MBP: variants seen among roughly 807,000 people sequenced by gnomAD.
MBP encodes the protein myelin basic protein.
MBP carries 16 observed loss-of-function variants against 35.8 expected under a neutral mutation model. That is an observed-to-expected ratio of 0.45 (90% CI 0.30 to 0.68). MBP has a LOEUF of 0.68. Among genes scored for constraint, MBP ranks in the 30% least tolerant of loss-of-function variants. The pLI, the probability that MBP is intolerant of heterozygous loss-of-function variation, is 0.08. For synonymous variants in MBP, 143 were observed against 159.6 expected, an observed-to-expected ratio of 0.90 and a Z score of 0.78; for missense variants, 380 against 404.7, an observed-to-expected ratio of 0.94 and a Z score of 0.52.
intron 2 of MBP, among the ~76,000 whole-genome samples, chr18:77,078,612 C>T (rs1599198867): frequency 6.6e-6 from 1 of 152,208 alleles, no homozygotes; most frequent in Non-Finnish European, 1.5e-5. Context: ...ATGGCTGGAG[C>T]CTGGAGAACT....
rs554663132 is a variant in MBP at position 77,082,121 on chromosome 18, G to A, written c.52-15736C>T. Among the ~76,000 whole-genome samples, 31 of 152,074 alleles carry A rather than the reference G, an allele frequency of 2.0e-4. 1 individual carries two copies. The South Asian group carries it at 6.3e-3, about 31-fold the overall frequency. On this transcript the variant is annotated intron_variant, in intron 2 of 8. Coordinates refer to ENST00000355994, the MANE Select transcript of MBP (RefSeq NM_001025101.2). Reference sequence around the variant, plus strand: ...CCCGCCTCGGCCTCCCAAAGTGCTGGGATTACAGGCGTGAGCCACTGCGCC... The same window carrying A: ...CCCGCCTCGGCCTCCCAAAGTGCTGAGATTACAGGCGTGAGCCACTGCGCC...
chr18:77,092,464 C>T (rs1789085), intron 2 of MBP, among the ~76,000 whole-genome samples: 4,795 of 152,284 alleles, frequency 0.031, 233 homozygotes, highest in African/African-American at 0.11. Flanking sequence ...CAGATGCAAA[C>T]GGACACACGC....
At position 76,979,980 on chromosome 18, in the gene MBP, C is replaced by T. The variant is rs1388918043; in HGVS notation, c.*447G>A. 1.4e-6 allele frequency: 1 copy of T among 702,604 alleles called. No homozygotes were observed. Among genetic ancestry groups the T allele is most frequent in the African/African-American group, 1.7e-5 (1 of 57,394 alleles). 43.5% of individuals were successfully genotyped at this position (702,604 alleles called of 1,614,324 possible). On this transcript the variant is annotated 3_prime_UTR_variant, in exon 9 of 9. Transcript: ENST00000355994. Reference sequence around the variant, plus strand: ...GGACAGGAAAAAAAAACAAAGGAAGCTTGGATGTCAACAGTCCTCTCTGCC... The same window carrying T: ...GGACAGGAAAAAAAAACAAAGGAAGTTTGGATGTCAACAGTCCTCTCTGCC...
At chr18:76,981,563 AACTC>A (rs376541649) in intron 8 of MBP, 16 of 152,350 alleles carry the variant, frequency 1.1e-4, no homozygotes, top group African/African-American at 1.9e-4. Context: ...GTGCTTACAC[AACTC>A]ACTCAAGGGA....
rs751518145 is a variant in MBP, at chr18:77,016,922, G to A, written c.486C>T (p.Phe162=). The part of the protein sequence containing the change: ...ASTMDHARHG[F]LPRHRDTGIL... ...TGCCCGTGTCTCTGTGCCTTGGGAG[G>A]AAGCCATGCCTGGCATGGTCCATGG... The change falls in exon 4 of 9, where the codon TTC becomes TTT. Residue 162 remains phenylalanine (F), a synonymous_variant. Transcript: ENST00000355994. 5.6e-6 allele frequency: 9 copies of A among 1,614,090 alleles called. No individual in the cohort carries two copies. The highest frequency in any genetic ancestry group is 7.6e-6 in the Non-Finnish European group (9 of 1,180,052).
At chr18:77,029,388 G>A (rs574233997) in intron 3 of MBP, among the ~76,000 whole-genome samples, 38,554 of 135,512 alleles carry the variant, frequency 0.28, 4,647 homozygotes, top group Middle Eastern at 0.32. Context: ...CTCGGCATCA[G>A]AGGGAGACCG....
At chr18:77,014,046 C>T (rs957909824) in intron 4 of MBP, 15 of 985,306 alleles carry the variant, frequency 1.5e-5, no homozygotes, top group South Asian at 4.7e-5. Flanking sequence ...CCTGACATTC[C>T]GGGGAACTGG....
chr18:77,079,763 A>T (rs1974817107), intron 2 of MBP, among the ~76,000 whole-genome samples: 1 of 152,202 alleles, frequency 6.6e-6, no homozygotes, highest in Non-Finnish European at 1.5e-5. Context: ...TTCTCTTTTT[A>T]AGAAGCAAAT....
rs1438637066 is a variant in MBP, at chr18:77,049,761, C to T, written c.139+16537G>A. On this transcript the variant is annotated intron_variant, in intron 3 of 8. Coordinates refer to ENST00000355994, the MANE Select transcript of MBP (RefSeq NM_001025101.2). ...GTGGTGCAATCTCAGCTCACTGCAA[C>T]CTCTGCCTCCCGGATTCAAGCAATT... Among the ~76,000 whole-genome samples the T allele has an allele frequency of 2.0e-5, 3 of 151,940 alleles. No homozygotes were observed. The South Asian group carries it at 6.2e-4, about 31-fold the overall frequency.
At position 77,016,821 on chromosome 18, in the gene MBP, T is replaced by C; in HGVS notation, c.576+11A>G. On this transcript the variant is annotated intron_variant, in intron 4 of 8. Transcript: ENST00000355994. ...ATTTAAACTAAAACTCCTCTACTCCTCAGAGCTCACCTTGCCAGAGCCCCG... is the reference window on the plus strand; with the variant it reads ...ATTTAAACTAAAACTCCTCTACTCCCCAGAGCTCACCTTGCCAGAGCCCCG... 1 of 1,613,738 alleles carries C rather than the reference T, an allele frequency of 6.2e-7. No individual in the cohort carries two copies. Among genetic ancestry groups the C allele is most frequent in the African/African-American group, 1.3e-5 (1 of 75,056 alleles).
intron 4 of MBP, chr18:77,004,483 G>T (rs1347475656): frequency 6.6e-6 from 1 of 152,198 alleles, no homozygotes. Context: ...TGAAGATTAT[G>T]TTTATTCCTG....
intron 2 of MBP, among the ~76,000 whole-genome samples, chr18:77,078,556 C>T (rs116343889): frequency 6.3e-4 from 96 of 152,332 alleles, no homozygotes; most frequent in Middle Eastern, 6.8e-3. Context: ...ACTATCTTTG[C>T]GTTCAGCCAG....
At chr18:77,110,644 T>C (rs1263780361) in intron 1 of MBP, 1 of 152,188 alleles carries the variant, frequency 6.6e-6, no homozygotes, top group Non-Finnish European at 1.5e-5. Context: ...CTTGCAGCTG[T>C]TGCTGGTCAC....
chr18:77,013,635 A>G (rs779461163), intron 4 of MBP: 135 of 985,338 alleles, frequency 1.4e-4, no homozygotes, highest in Admixed American at 1.2e-4. Flanking sequence ...GCTGAATAGA[A>G]GAACACTGAG....
At chr18:77,109,215 C>T (rs956629029) in intron 1 of MBP, 1 of 152,208 alleles carries the variant, frequency 6.6e-6, no homozygotes, top group African/African-American at 2.4e-5. Flanking sequence ...AGATGGCTTC[C>T]CACATCTAGA....
rs970691236 is a variant in MBP at position 77,102,207 on chromosome 18, A to G, written c.51+3004T>C. On this transcript the variant is annotated intron_variant, in intron 2 of 8. Transcript: ENST00000355994. The surrounding 1 kb of genome is among the most constrained non-coding windows in gnomAD (Gnocchi z 4.4). ...CTGGGCCGGGCAGTGGGGCAGAGGC[A>G]GTGTGTGGGGTAGACCGGGCAGCCC... Among the ~76,000 whole-genome samples the G allele has an allele frequency of 1.3e-5, 2 of 152,256 alleles. No homozygotes were observed. Among genetic ancestry groups the G allele is most frequent in the African/African-American group, 2.4e-5 (1 of 41,548 alleles).
At chr18:77,037,086 CATTTT>C (rs1338735221) in intron 3 of MBP, among the ~76,000 whole-genome samples, 2 of 145,166 alleles carry the variant, frequency 1.4e-5, no homozygotes, top group African/African-American at 5.2e-5. Flanking sequence ...GTGCTGGTCA[CATTTT>C]GGAGACAGAG....
chr18:77,023,696 T>C (rs955933056), intron 3 of MBP, among the ~76,000 whole-genome samples: 1 of 152,218 alleles, frequency 6.6e-6, no homozygotes, highest in African/African-American at 2.4e-5. Context: ...CTGCAGGCCC[T>C]TGACCTCTGT....
At chr18:77,091,344 T>A (rs1599227730) in intron 2 of MBP, among the ~76,000 whole-genome samples, 1 of 152,324 alleles carries the variant, frequency 6.6e-6, no homozygotes, top group East Asian at 1.9e-4. Context: ...ATAAATTCTT[T>A]AGTAGCAAGG....
Sources: gnomAD v4.1 joint callset for allele counts (sites outside exome capture counted in the v4.1 genomes callset) on GRCh38, gnomAD v4.1.1 for gene constraint, Gnocchi (gnomAD v3.1) non-coding constraint, MANE v1.5 for transcripts, NCBI Gene and HGNC (gene_info 2026-07-23, HGNC 2026-07-21) for gene names.